The following MEOX2 variants were observed in gnomAD, a reference collection of about 807,000 sequenced individuals.
MEOX2 encodes homeobox protein MOX-2.
Under a neutral mutation model 27.0 loss-of-function variants are expected in MEOX2, and 11 were observed. The observed-to-expected ratio is 0.41, with a 90% CI of 0.26 to 0.68. MEOX2 has a LOEUF of 0.68. Among genes scored for constraint, MEOX2 ranks in the 30% least tolerant of loss-of-function variants. MEOX2 has a pLI of 0.33. For synonymous variants in MEOX2, 189 were observed against 155.4 expected (o/e 1.22, Z -1.61); for missense variants, 436 against 385.4 (o/e 1.13, Z -1.10).
At chr7:15,674,001 A>G (rs1782153014) in intron 1 of MEOX2, among the ~76,000 whole-genome samples, 1 of 152,112 alleles carries the variant, frequency 6.6e-6, no homozygotes, top group African/African-American at 2.4e-5. Flanking sequence ...GTGTATATAG[A>G]TAGATAGATG....
intron 1 of MEOX2, among the ~76,000 whole-genome samples, chr7:15,630,378 G>T (rs918069995): frequency 2.0e-5 from 3 of 152,032 alleles, no homozygotes; most frequent in Non-Finnish European, 4.4e-5. Context: ...ATGTTTTATT[G>T]AAGACAAGTA....
intron 2 of MEOX2, 146 bp from the exon 3 acceptor site, chr7:15,612,757 C>G: frequency 1.5e-6 from 1 of 646,796 alleles, no homozygotes; most frequent in Non-Finnish European, 2.7e-6. Flanking sequence ...AATAAATCCA[C>G]GTTGAATTTA....
chr7:15,631,267 T>C (rs1378586798), intron 1 of MEOX2, among the ~76,000 whole-genome samples: 4 of 151,896 alleles, frequency 2.6e-5, no homozygotes, highest in Non-Finnish European at 5.9e-5. Context: ...TGAGCAGTGA[T>C]TATCAATTGG....
intron 1 of MEOX2, among the ~76,000 whole-genome samples, chr7:15,670,474 A>G (rs1782077519): frequency 6.6e-6 from 1 of 152,128 alleles, no homozygotes; most frequent in South Asian, 2.1e-4. Flanking sequence ...GCTGAAGGGT[A>G]AGAAAATTTG....
chr7:15,635,768 T>C (rs1350830786), intron 1 of MEOX2, among the ~76,000 whole-genome samples: 1 of 151,988 alleles, frequency 6.6e-6, no homozygotes, highest in Non-Finnish European at 1.5e-5. Flanking sequence ...CCACTTTACA[T>C]TGAAAAATGG....
At chr7:15,659,109 C>T (rs1781868520) in intron 1 of MEOX2, among the ~76,000 whole-genome samples, 1 of 152,172 alleles carries the variant, frequency 6.6e-6, no homozygotes, top group Non-Finnish European at 1.5e-5. Flanking sequence ...AATCAATCCT[C>T]CTACCTGAGC....
rs1781945051 is a variant in MEOX2 at position 15,663,273 on chromosome 7, T to C, written c.517+22613A>G. Among the ~76,000 whole-genome samples the C allele has an allele frequency of 3.3e-5, 5 of 152,060 alleles. No individual in the cohort carries two copies. In the South Asian group the frequency reaches 1.0e-3, roughly 32 times the overall value. ...AAGAAGACAAAATTTTCCAAAAAGA[T>C]GTAAGAACTCATCTTGTGGCCAACT... On this transcript the variant is annotated intron_variant, in intron 1 of 2. Coordinates refer to ENST00000262041, the MANE Select transcript of MEOX2 (RefSeq NM_005924.5).
At chr7:15,619,651 T>C (rs1313164011) in intron 2 of MEOX2, among the ~76,000 whole-genome samples, 2 of 152,020 alleles carry the variant, frequency 1.3e-5, no homozygotes, top group Non-Finnish European at 2.9e-5. Context: ...TGTGTGTGTG[T>C]ATATATATCT....
intron 1 of MEOX2, among the ~76,000 whole-genome samples, chr7:15,673,597 CAA>C (rs35223717): frequency 0.12 from 9,210 of 76,284 alleles, 253 homozygotes; most frequent in Middle Eastern, 0.15. Flanking sequence ...ACAAGTCTAT[CAA>C]AAAAAAAAAA....
At chr7:15,665,327 T>C (rs1416828256) in intron 1 of MEOX2, among the ~76,000 whole-genome samples, 1 of 152,158 alleles carries the variant, frequency 6.6e-6, no homozygotes, top group African/African-American at 2.4e-5. Context: ...GCCCTAATTA[T>C]CTTTTGGAAA....
chr7:15,685,264 ATT>A (rs1179637861), intron 1 of MEOX2, among the ~76,000 whole-genome samples: 1 of 152,160 alleles, frequency 6.6e-6, no homozygotes, highest in African/African-American at 2.4e-5. Flanking sequence ...TAAAATCTGA[ATT>A]CCTAGATAAT....
At chr7:15,668,567 C>T (rs1434387958) in intron 1 of MEOX2, among the ~76,000 whole-genome samples, 8 of 152,140 alleles carry the variant, frequency 5.3e-5, no homozygotes, top group East Asian at 1.9e-4. Context: ...CTGCAACATC[C>T]GCCTCCTGGG....
chr7:15,624,272 A>G (rs1781263365), intron 2 of MEOX2, among the ~76,000 whole-genome samples: 1 of 152,188 alleles, frequency 6.6e-6, no homozygotes, highest in African/African-American at 2.4e-5. Context: ...TAACTTGCAA[A>G]ACTGCACGTA....
intron 1 of MEOX2, among the ~76,000 whole-genome samples, chr7:15,649,735 A>G (rs188007902): frequency 1.3e-5 from 2 of 152,202 alleles, no homozygotes; most frequent in East Asian, 3.9e-4. Flanking sequence ...TTTGAGCAGA[A>G]AAACTGTTCT....
chr7:15,617,697 T>C (rs547064464), intron 2 of MEOX2, among the ~76,000 whole-genome samples: 12 of 152,142 alleles, frequency 7.9e-5, no homozygotes, highest in African/African-American at 2.9e-4. Context: ...GGTTAGGATA[T>C]ACTTCATAAC....
intron 1 of MEOX2, among the ~76,000 whole-genome samples, chr7:15,634,173 A>G (rs1385766859): frequency 6.6e-6 from 1 of 151,970 alleles, no homozygotes; most frequent in Non-Finnish European, 1.5e-5. Context: ...GAAGGAACAT[A>G]TTGCCCAGAG....
intron 1 of MEOX2, among the ~76,000 whole-genome samples, chr7:15,646,144 GTTTA>G (rs1189524900): frequency 1.3e-5 from 2 of 151,930 alleles, no homozygotes; most frequent in African/African-American, 2.4e-5. Context: ...TCTAGTCCCT[GTTTA>G]TTTATCTGAT....
At chr7:15,677,299 G>T (rs1457070084) in intron 1 of MEOX2, among the ~76,000 whole-genome samples, 1 of 152,148 alleles carries the variant, frequency 6.6e-6, no homozygotes, top group Non-Finnish European at 1.5e-5. Flanking sequence ...TGTTCTAATT[G>T]CTTTGTGTAT....
rs1014185364 is a variant in MEOX2, at chr7:15,669,347, T to C, written c.517+16539A>G. Among the ~76,000 whole-genome samples the C allele has an allele frequency of 3.4e-4, 52 of 152,264 alleles. 1 individual carries two copies. The highest frequency in any genetic ancestry group is 1.2e-3 in the African/African-American group (50 of 41,476). On this transcript the variant is annotated intron_variant, in intron 1 of 2. Transcript: ENST00000262041. Reference sequence around the variant, plus strand: ...GTGCTATAATATGTATATTTGTTTTTTGTGTTTCTAAGATATCCTGATTGC... The same window carrying C: ...GTGCTATAATATGTATATTTGTTTTCTGTGTTTCTAAGATATCCTGATTGC...
Sources: allele counts gnomAD v4.1 joint callset (sites outside exome capture counted in the v4.1 genomes callset), GRCh38; gene constraint gnomAD v4.1.1; transcripts MANE v1.5; gene names NCBI Gene and HGNC (gene_info 2026-07-23, HGNC 2026-07-21).